Variants in FSTL5 observed in about 807,000 individuals in gnomAD.
The protein encoded by FSTL5 is follistatin like 5, also known as follistatin-related protein 5.
Under a neutral mutation model 89.1 loss-of-function variants are expected in FSTL5, and 62 were observed. That is an observed-to-expected ratio of 0.70 (90% CI 0.57 to 0.86). FSTL5 has a LOEUF of 0.86. Ranked by LOEUF, FSTL5 falls within the 40% of genes least tolerant of loss-of-function variation. The pLI is 0.00. For missense variants in FSTL5, 1,057 were observed against 1,001.6 expected, an observed-to-expected ratio of 1.06 and a Z score of -0.75; for synonymous variants, 383 against 346.2, an observed-to-expected ratio of 1.11 and a Z score of -1.18.
chr4:161,587,645 G>A (rs758465094), intron 7 of FSTL5, 70 bp from the exon 8 acceptor site: 9 of 1,208,156 alleles, frequency 7.4e-6, no homozygotes, highest in Non-Finnish European at 1.1e-5. Context: ...TTTTTAAAAG[G>A]TGTATTCAGG....
intron 3 of FSTL5, among the ~76,000 whole-genome samples, chr4:161,961,001 T>C (rs1735159350): frequency 6.6e-6 from 1 of 152,116 alleles, no homozygotes; most frequent in African/African-American, 2.4e-5. Flanking sequence ...AATATAACCA[T>C]TTAAGAAATT....
intron 2 of FSTL5, among the ~76,000 whole-genome samples, chr4:162,090,206 C>T (rs548739189): frequency 6.6e-6 from 1 of 151,988 alleles, no homozygotes; most frequent in Non-Finnish European, 1.5e-5. Flanking sequence ...TGACTGATAC[C>T]AAAAACAATC....
intron 8 of FSTL5, among the ~76,000 whole-genome samples, chr4:161,560,100 T>C (rs1262034553): frequency 6.6e-6 from 1 of 151,692 alleles, no homozygotes; most frequent in Non-Finnish European, 1.5e-5. Context: ...GTGTAGTTTA[T>C]ATGTGGCCCA....
At chr4:162,034,247 A>C (rs1737648396) in intron 2 of FSTL5, among the ~76,000 whole-genome samples, 1 of 152,186 alleles carries the variant, frequency 6.6e-6, no homozygotes, top group South Asian at 2.1e-4. Flanking sequence ...CAAATGCCTT[A>C]GGCCATTCCA....
intron 10 of FSTL5, among the ~76,000 whole-genome samples, chr4:161,513,878 T>G (rs1472532351): frequency 6.6e-6 from 1 of 152,050 alleles, no homozygotes; most frequent in African/African-American, 2.4e-5. Flanking sequence ...AAATAACTAA[T>G]GGGCACTTGG....
At chr4:161,925,174 G>A (rs1734089460) in intron 3 of FSTL5, among the ~76,000 whole-genome samples, 1 of 151,782 alleles carries the variant, frequency 6.6e-6, no homozygotes, top group African/African-American at 2.4e-5. Flanking sequence ...CTAATGTATG[G>A]TGAGTATATT....
At position 162,029,516 on chromosome 4, in the gene FSTL5, G is replaced by A. The variant is rs987214314; in HGVS notation, c.160+4109C>T. Among the ~76,000 whole-genome samples the A allele has an allele frequency of 3.3e-5, 5 of 152,130 alleles. No individual in the cohort carries two copies. In the East Asian group the frequency reaches 7.7e-4, roughly 24 times the overall value. On this transcript the variant is annotated intron_variant, in intron 3 of 15. Coordinates refer to ENST00000306100, the MANE Select transcript of FSTL5 (RefSeq NM_020116.5). ...GGACTTTTAACATCATGGATATGTTGTGCTAATATTTACCAAAAAAGATGA... is the reference window on the plus strand; with the variant it reads ...GGACTTTTAACATCATGGATATGTTATGCTAATATTTACCAAAAAAGATGA...
Position 161,538,185 on chromosome 4 carries a change from T to C in FSTL5, c.1293A>G (p.Glu431=). The C allele has an allele frequency of 6.2e-7, 1 of 1,614,054 alleles. No homozygotes were observed. Among genetic ancestry groups the C allele is most frequent in the Non-Finnish European group, 8.5e-7 (1 of 1,179,960 alleles). ...ACATACGGGTCTTTCTAGCAGAGTC[T>C]TCCACAAAAAGAGAAGAGATGTCTT... The part of the protein sequence containing the change: ...VDEDISSLFV[E]DSARKTLANI... The change falls in exon 10 of 16, where the codon GAA becomes GAG. Residue 431 remains glutamate, a synonymous_variant. Coordinates refer to ENST00000306100, the MANE Select transcript of FSTL5 (RefSeq NM_020116.5).
intron 12 of FSTL5, among the ~76,000 whole-genome samples, chr4:161,488,883 T>C (rs1729771501): frequency 6.6e-6 from 1 of 152,132 alleles, no homozygotes; most frequent in Non-Finnish European, 1.5e-5. Flanking sequence ...GGCATGATTA[T>C]TGCATATAGG....
chr4:161,960,368 G>T, intron 3 of FSTL5, among the ~76,000 whole-genome samples: 1 of 151,098 alleles, frequency 6.6e-6, no homozygotes, highest in African/African-American at 2.4e-5. Context: ...TAGAGATGAG[G>T]CTTCACCATG....
At chr4:161,629,644 C>G (rs544571259) in intron 7 of FSTL5, among the ~76,000 whole-genome samples, 27 of 152,148 alleles carry the variant, frequency 1.8e-4, no homozygotes, top group Non-Finnish European at 3.1e-4. Context: ...CGCGCCCGGC[C>G]CATAAAATGT....
rs186256729 is a variant in FSTL5 at position 161,439,345 on chromosome 4, G to A, written c.1841+15659C>T. Among the ~76,000 whole-genome samples, 663 of 152,322 alleles carry A rather than the reference G, an allele frequency of 4.4e-3. 7 individuals carry two copies. The highest frequency in any genetic ancestry group is 8.9e-3 in the South Asian group (43 of 4,832). On this transcript the variant is annotated intron_variant, in intron 15 of 15. Coordinates refer to ENST00000306100, the MANE Select transcript of FSTL5 (RefSeq NM_020116.5). Reference sequence around the variant, plus strand: ...GTGTTTGTGGATGAGTGAGTTGGAGGCACGTAGTGCCCACAGCAGAGCAAA... The same window carrying A: ...GTGTTTGTGGATGAGTGAGTTGGAGACACGTAGTGCCCACAGCAGAGCAAA...
intron 6 of FSTL5, among the ~76,000 whole-genome samples, chr4:161,713,351 C>T (rs1009066014): frequency 2.0e-5 from 3 of 152,162 alleles, no homozygotes; most frequent in Non-Finnish European, 4.4e-5. Flanking sequence ...AGTCCATGCT[C>T]ACTGGAGACA....
At chr4:161,827,906 C>T (rs1730716782) in intron 4 of FSTL5, among the ~76,000 whole-genome samples, 2 of 152,190 alleles carry the variant, frequency 1.3e-5, no homozygotes, top group Admixed American at 1.3e-4. Flanking sequence ...TCGTACCACC[C>T]TGCCTGCCGC....
At chr4:162,144,259 TTTATATA>T (rs1732883938) in intron 1 of FSTL5, among the ~76,000 whole-genome samples, 1 of 152,222 alleles carries the variant, frequency 6.6e-6, no homozygotes, top group Non-Finnish European at 1.5e-5. Context: ...ACATCAGTGA[TTTATATA>T]GCTATAACTT....
chr4:161,508,499 T>C (rs1161430903), intron 11 of FSTL5, among the ~76,000 whole-genome samples: 2 of 152,160 alleles, frequency 1.3e-5, no homozygotes, highest in Non-Finnish European at 2.9e-5. Context: ...TCGTGATGCA[T>C]AAGAACATTA....
chr4:161,750,519 T>A, intron 6 of FSTL5, among the ~76,000 whole-genome samples: 1 of 152,170 alleles, frequency 6.6e-6, no homozygotes, highest in East Asian at 1.9e-4. Flanking sequence ...ACGTGACTGC[T>A]AGAAAATTTC....
At chr4:161,995,270 A>T (rs1223962937) in intron 3 of FSTL5, among the ~76,000 whole-genome samples, 3 of 152,182 alleles carry the variant, frequency 2.0e-5, no homozygotes, top group Admixed American at 1.3e-4. Context: ...CATCCATAGC[A>T]TTAGTTACTT....
chr4:162,058,531 A>G (rs894723746), intron 2 of FSTL5, among the ~76,000 whole-genome samples: 1 of 11,382 alleles, frequency 8.8e-5, no homozygotes, highest in African/African-American at 3.4e-4. Context: ...GGTTCAAGCA[A>G]TTCTCCTGCT....
Sources: gnomAD v4.1 joint callset for allele counts (sites outside exome capture counted in the v4.1 genomes callset) on GRCh38, gnomAD v4.1.1 for gene constraint, MANE v1.5 for transcripts, NCBI Gene and HGNC (gene_info 2026-07-23, HGNC 2026-07-21) for gene names.